TM6SF1: variants seen among roughly 807,000 people sequenced by gnomAD.
TM6SF1 encodes transmembrane 6 superfamily member 1.
In TM6SF1, 43 loss-of-function variants were observed where a neutral mutation model predicts 47.1. That is an observed-to-expected ratio of 0.91 (90% CI 0.72 to 1.18). TM6SF1 has a LOEUF of 1.18. Ranked by LOEUF, TM6SF1 falls within the 50% of genes most tolerant of loss-of-function variation. The probability of loss-of-function intolerance (pLI) is 0.00; values close to 1 mark genes in which losing one functional copy is unlikely to be tolerated. For missense variants in TM6SF1, 390 were observed against 449.0 expected (o/e 0.87, Z 1.19); for synonymous variants, 177 against 166.3 (o/e 1.06, Z -0.49).
At chr15:83,119,100 T>C (rs1025137162) in intron 3 of TM6SF1, among the ~76,000 whole-genome samples, 1 of 152,164 alleles carries the variant, frequency 6.6e-6, no homozygotes, top group Non-Finnish European at 1.5e-5. Flanking sequence ...TGCCTGCCTA[T>C]GTGTCAGTAT....
chr15:83,135,593 G>C (rs940768905), intron 9 of TM6SF1: 1 of 152,058 alleles, frequency 6.6e-6, no homozygotes, highest in African/African-American at 2.4e-5. Flanking sequence ...ATCCTGCTGT[G>C]GTCTGTTTTA....
chr15:83,117,240 T>C (rs1356500533), intron 3 of TM6SF1, among the ~76,000 whole-genome samples: 1 of 152,140 alleles, frequency 6.6e-6, no homozygotes, highest in Non-Finnish European at 1.5e-5. Context: ...AAAGAGCATG[T>C]GCCTCTCCCT....
At chr15:83,124,570 CT>C (rs2035560910) in intron 6 of TM6SF1, 101 bp from the exon 7 acceptor site, 1 of 876,224 alleles carries the variant, frequency 1.1e-6, no homozygotes, top group Middle Eastern at 2.3e-4. Flanking sequence ...AATTGTGCAT[CT>C]TCAAAATTCT....
chr15:83,107,774 T>C lies in TM6SF1; in HGVS notation c.92+2T>C, dbSNP rs763017233. The C allele has an allele frequency of 1.8e-5, 29 of 1,576,588 alleles. No homozygotes were observed. The highest frequency in any genetic ancestry group is 5.4e-5 in the Admixed American group (3 of 55,658). On this transcript the variant is annotated splice_donor_variant, in intron 1 of 9. Coordinates refer to ENST00000322019, the MANE Select transcript of TM6SF1 (RefSeq NM_023003.5). LOFTEE classifies it high-confidence loss of function. This position sits in a 1 kb window ranked among gnomAD's most constrained non-coding sequence, Gnocchi z 5.6. Reference sequence around the variant, plus strand: ...CAACCACCTGGCGGCCCAGCATGAGTGAGTGAGCCGGCGCGGCGGGGGTCG... The same window carrying C: ...CAACCACCTGGCGGCCCAGCATGAGCGAGTGAGCCGGCGCGGCGGGGGTCG...
chr15:83,127,453 G>A lies in TM6SF1; in HGVS notation c.897G>A (p.Leu299=), dbSNP rs1197589103. The A allele has an allele frequency of 1.2e-6, 2 of 1,613,752 alleles. No homozygotes were observed. The highest frequency in any genetic ancestry group is 1.7e-5 in the Admixed American group (1 of 59,986). The change falls in exon 9 of 10, where the codon TTG becomes TTA. Residue 299 remains leucine (L), a synonymous_variant. Coordinates refer to ENST00000322019, the MANE Select transcript of TM6SF1 (RefSeq NM_023003.5). The stretch of plus-strand genomic sequence containing the variant: ...GTTCCTGGATGCCTGACATCACATT[G>A]ATACATGCTGGAGGTCTGGCTCAGG... The part of the protein sequence containing the change: ...PGCSWMPDIT[L]IHAGGLAQAQ...
chr15:83,108,036 C>A, intron 1 of TM6SF1: 1 of 626,872 alleles, frequency 1.6e-6, no homozygotes, highest in South Asian at 3.9e-5. Flanking sequence ...TGCCCGGGGT[C>A]ACAGGCGTCA....
intron 9 of TM6SF1, 104 bp downstream of exon 9, chr15:83,127,581 A>G (rs550724033): frequency 2.4e-4 from 298 of 1,259,104 alleles, no homozygotes; most frequent in Non-Finnish European, 3.1e-4. Flanking sequence ...GGAGATAGCT[A>G]TTAGACATGT....
intron 7 of TM6SF1, 127 bp downstream of exon 7, chr15:83,124,903 C>A: frequency 1.2e-6 from 1 of 812,510 alleles, no homozygotes; most frequent in Non-Finnish European, 1.9e-6. Flanking sequence ...CCATTCCTCC[C>A]ATCAAAGCCT....
chr15:83,109,455 T>G (rs544085054), intron 1 of TM6SF1, among the ~76,000 whole-genome samples: 56 of 152,346 alleles, frequency 3.7e-4, no homozygotes, highest in African/African-American at 1.3e-3. Flanking sequence ...CTGTGCATGA[T>G]GGAGCGCACT....
chr15:83,109,768 C>A (rs528309522), intron 1 of TM6SF1, among the ~76,000 whole-genome samples: 2 of 152,318 alleles, frequency 1.3e-5, no homozygotes, highest in Non-Finnish European at 2.9e-5. Flanking sequence ...TCCTGCCGCA[C>A]CAGCCTGCCT....
At chr15:83,111,552 T>A in intron 1 of TM6SF1, 1 of 931,106 alleles carries the variant, frequency 1.1e-6, no homozygotes, top group Non-Finnish European at 1.3e-6. Flanking sequence ...TCCCTCCTTC[T>A]ATTCTTATCT....
At chr15:83,129,481 T>C (rs545994366) in intron 9 of TM6SF1, 3 of 152,260 alleles carry the variant, frequency 2.0e-5, no homozygotes, top group Admixed American at 1.3e-4. Flanking sequence ...TCTTTTGTAA[T>C]AGCTCTGGGA....
chr15:83,122,647 G>C, intron 5 of TM6SF1, 110 bp from the exon 6 acceptor site: 1 of 1,220,824 alleles, frequency 8.2e-7, no homozygotes, highest in Non-Finnish European at 1.1e-6. Context: ...TAAAAATATT[G>C]TCTGGCCCAT....
intron 2 of TM6SF1, chr15:83,113,968 T>C (rs766281150): frequency 6.6e-6 from 1 of 152,212 alleles, no homozygotes; most frequent in African/African-American, 2.4e-5. Flanking sequence ...GTAACTAGTT[T>C]CTCCCAATCC....
At chr15:83,118,229 G>A (rs903859584) in intron 3 of TM6SF1, among the ~76,000 whole-genome samples, 4 of 128,480 alleles carry the variant, frequency 3.1e-5, no homozygotes, top group Admixed American at 7.5e-5. Context: ...GTCTCTGTAC[G>A]TACACACACA....
In TM6SF1 at chr15:83,127,480, AC is replaced by A; in HGVS notation, c.921+4del. The A allele has an allele frequency of 6.2e-7, 1 of 1,613,108 alleles. No individual in the cohort carries two copies. Among genetic ancestry groups the A allele is most frequent in the African/African-American group, 1.3e-5 (1 of 74,976 alleles). On this transcript the variant is annotated splice_donor_region_variant and intron_variant, in intron 9 of 9. Coordinates refer to ENST00000322019, the MANE Select transcript of TM6SF1 (RefSeq NM_023003.5). The stretch of plus-strand genomic sequence containing the variant: ...TACATGCTGGAGGTCTGGCTCAGGT[AC>A]TAAGAATATTCTGTTGAGAAGGTTT...
Position 83,121,971 on chromosome 15 carries a change from G to A in TM6SF1, c.449G>A (p.Ser150Asn). 1 of 1,611,536 alleles carries A rather than the reference G, an allele frequency of 6.2e-7. No homozygotes were observed. The highest frequency in any genetic ancestry group is 8.5e-7 in the Non-Finnish European group (1 of 1,179,388). The change falls in exon 5 of 10, where the codon AGT becomes AAT. Residue 150 changes from serine to asparagine, a missense_variant. By Grantham distance (46) the Ser-to-Asn change is conservative. Transcript: ENST00000322019. Reference protein sequence around the residue: ...GLYWVGSIIMSVVVFVPGNIV... With the variant: ...GLYWVGSIIMNVVVFVPGNIV... ...TATTGGGTTGGATCTATTATTATGA[G>A]TGTTGTTGTTTTTGTGCCAGGAAAC...
rs141896507 is a variant in TM6SF1, at chr15:83,117,960, G to A, written c.295-1618G>A. 9.5e-4 allele frequency among the ~76,000 whole-genome samples: 145 copies of A among 152,228 alleles called. No homozygotes were observed. In the East Asian group the frequency reaches 0.016, roughly 17 times the overall value. On this transcript the variant is annotated intron_variant, in intron 3 of 9. Coordinates refer to ENST00000322019, the MANE Select transcript of TM6SF1 (RefSeq NM_023003.5). ...GAGGGAGAATTGCCGGGGTGACATCGTAGCAATAAAGTTGATAGATTTGCT... is the reference window on the plus strand; with the variant it reads ...GAGGGAGAATTGCCGGGGTGACATCATAGCAATAAAGTTGATAGATTTGCT...
chr15:83,123,309 T>C (rs1408282965), intron 6 of TM6SF1, among the ~76,000 whole-genome samples: 4 of 152,142 alleles, frequency 2.6e-5, no homozygotes, highest in Non-Finnish European at 4.4e-5. Context: ...TACACAGCCA[T>C]ACAATCTTGA....
Sources: allele counts gnomAD v4.1 joint callset (sites outside exome capture counted in the v4.1 genomes callset), GRCh38; gene constraint gnomAD v4.1.1; non-coding constraint Gnocchi (gnomAD v3.1); transcripts MANE v1.5; gene names NCBI Gene and HGNC (gene_info 2026-07-23, HGNC 2026-07-21).